HS3ST5: variants seen among roughly 807,000 people sequenced by gnomAD.
HS3ST5 encodes heparan sulfate-glucosamine 3-sulfotransferase 5, also known as heparan sulfate glucosamine 3-O-sulfotransferase 5.
A neutral mutation model predicts 25.4 loss-of-function variants in HS3ST5; 10 were observed. The ratio of observed to expected loss-of-function variants is 0.39; its 90% confidence interval spans 0.24 to 0.67. The LOEUF is 0.67. Ranked by LOEUF, HS3ST5 falls within the 30% of genes least tolerant of loss-of-function variation. The pLI is 0.44. For synonymous variants in HS3ST5, 170 were observed against 162.4 expected (o/e 1.05, Z -0.36); for missense variants, 324 against 420.7 (o/e 0.77, Z 2.01).
At chr6:114,079,211 CT>C (rs1774315925) in intron 3 of HS3ST5, among the ~76,000 whole-genome samples, 1 of 152,120 alleles carries the variant, frequency 6.6e-6, no homozygotes, top group African/African-American at 2.4e-5. Context: ...ATTGACTCTT[CT>C]TTTTATGAAA....
Position 114,177,754 on chromosome 6 carries a change from A to G in HS3ST5, c.-144-9292T>C, listed in dbSNP as rs113431721. 7.7e-3 allele frequency among the ~76,000 whole-genome samples: 1,178 copies of G among 152,284 alleles called. 17 individuals are homozygous for G. Among genetic ancestry groups the G allele is most frequent in the African/African-American group, 0.027 (1,121 of 41,558 alleles). The stretch of plus-strand genomic sequence containing the variant: ...GTTTGTTTGTTATTTGAAAGGCTAT[A>G]TTTATTTGGTACTATAAACTTATAA... On this transcript the variant is annotated intron_variant, in intron 2 of 4. Coordinates refer to ENST00000312719, the MANE Select transcript of HS3ST5 (RefSeq NM_153612.4).
At chr6:114,175,612 G>C (rs1053461370) in intron 2 of HS3ST5, among the ~76,000 whole-genome samples, 5 of 152,148 alleles carry the variant, frequency 3.3e-5, no homozygotes, top group African/African-American at 7.2e-5. Context: ...GTCAGGTAGG[G>C]GAGGGCACGT....
At chr6:114,286,329 A>G (rs1774338440) in intron 1 of HS3ST5, among the ~76,000 whole-genome samples, 4 of 151,964 alleles carry the variant, frequency 2.6e-5, no homozygotes, top group Admixed American at 2.6e-4. Context: ...AAAATGGGAA[A>G]TTGCTAATCA....
intron 3 of HS3ST5, among the ~76,000 whole-genome samples, chr6:114,074,134 T>C (rs1375847235): frequency 4.0e-5 from 6 of 151,550 alleles, no homozygotes; most frequent in Non-Finnish European, 5.9e-5. Flanking sequence ...TCACACACCA[T>C]GGCCTGTTTG....
At chr6:114,149,759 T>C (rs182414310) in intron 3 of HS3ST5, among the ~76,000 whole-genome samples, 89 of 152,260 alleles carry the variant, frequency 5.8e-4, no homozygotes, top group African/African-American at 2.1e-3. Flanking sequence ...AAAAAAAATT[T>C]CTTAGGTCAG....
chr6:114,245,661 C>G (rs1772342939), intron 1 of HS3ST5, among the ~76,000 whole-genome samples: 1 of 152,274 alleles, frequency 6.6e-6, no homozygotes, highest in African/African-American at 2.4e-5. Context: ...TGCTGAGAAG[C>G]TAGAAAGCCT....
intron 1 of HS3ST5, among the ~76,000 whole-genome samples, chr6:114,302,158 C>G (rs1314871854): frequency 3.3e-5 from 5 of 152,130 alleles, no homozygotes; most frequent in Non-Finnish European, 7.4e-5. Context: ...GTCACACATT[C>G]ATTTTATGTG....
At chr6:114,335,004 A>G (rs1303202954) in intron 1 of HS3ST5, among the ~76,000 whole-genome samples, 5 of 152,210 alleles carry the variant, frequency 3.3e-5, no homozygotes, top group African/African-American at 7.2e-5. Context: ...AGGAAGATAC[A>G]GGAAAGTAGG....
intron 1 of HS3ST5, among the ~76,000 whole-genome samples, chr6:114,311,704 G>A (rs373158575): frequency 2.0e-5 from 3 of 151,256 alleles, no homozygotes; most frequent in African/African-American, 7.3e-5. Flanking sequence ...CACCACACCC[G>A]GCCAATTTTT....
At chr6:114,123,728 T>C (rs2114884175) in intron 3 of HS3ST5, among the ~76,000 whole-genome samples, 1 of 152,334 alleles carries the variant, frequency 6.6e-6, no homozygotes, top group Non-Finnish European at 1.5e-5. Flanking sequence ...TATGAATCTT[T>C]GGCTAACATG....
At chr6:114,085,833 A>T (rs1013530913) in intron 3 of HS3ST5, among the ~76,000 whole-genome samples, 1 of 151,928 alleles carries the variant, frequency 6.6e-6, no homozygotes, top group Non-Finnish European at 1.5e-5. Flanking sequence ...TTCAACAGTG[A>T]GGGTGATATA....
At chr6:114,173,270 A>C (rs1247684680) in intron 2 of HS3ST5, among the ~76,000 whole-genome samples, 3 of 152,216 alleles carry the variant, frequency 2.0e-5, no homozygotes, top group Admixed American at 2.0e-4. Context: ...AATCTATTTT[A>C]TATTCTCGAT....
intron 1 of HS3ST5, among the ~76,000 whole-genome samples, chr6:114,292,847 A>G (rs1031900629): frequency 6.6e-6 from 1 of 152,242 alleles, no homozygotes; most frequent in African/African-American, 2.4e-5. Context: ...TAGATTACTT[A>G]TAAGACCCAA....
intron 1 of HS3ST5, among the ~76,000 whole-genome samples, chr6:114,229,943 T>C (rs1458740846): frequency 1.3e-5 from 2 of 152,106 alleles, no homozygotes; most frequent in Admixed American, 6.5e-5. Context: ...TGTAAACCAT[T>C]CAGTTGTCGT....
chr6:114,242,989 A>G (rs762883161), intron 1 of HS3ST5, among the ~76,000 whole-genome samples: 12 of 152,268 alleles, frequency 7.9e-5, no homozygotes, highest in Admixed American at 2.0e-4. Context: ...CGCTTGCACT[A>G]TTGAATTTGC....
intron 3 of HS3ST5, chr6:114,084,913 C>A: frequency 2.0e-6 from 1 of 488,786 alleles, no homozygotes; most frequent in South Asian, 2.1e-5. Context: ...CTCACTGCAA[C>A]CTCTGCCTCC....
chr6:114,281,910 A>T (rs764821761), intron 1 of HS3ST5: 1 of 152,018 alleles, frequency 6.6e-6, no homozygotes, highest in African/African-American at 2.4e-5. Context: ...GGGAAAAATA[A>T]GCACCTTTTA....
At chr6:114,328,237 G>A (rs1776250541) in intron 1 of HS3ST5, among the ~76,000 whole-genome samples, 1 of 139,304 alleles carries the variant, frequency 7.2e-6, no homozygotes, top group Non-Finnish European at 1.6e-5. Context: ...AAGGAAAGAA[G>A]GAAGGAAAGA....
At chr6:114,292,571 C>A (rs1046952649) in intron 1 of HS3ST5, among the ~76,000 whole-genome samples, 6 of 152,134 alleles carry the variant, frequency 3.9e-5, no homozygotes, top group Non-Finnish European at 8.8e-5. Flanking sequence ...AAAGTGTTCA[C>A]TGAATGAATA....
Sources: gnomAD v4.1 joint callset for allele counts (sites outside exome capture counted in the v4.1 genomes callset) on GRCh38, gnomAD v4.1.1 for gene constraint, MANE v1.5 for transcripts, NCBI Gene and HGNC (gene_info 2026-07-23, HGNC 2026-07-21) for gene names.